Variants in CASKIN2 observed in about 807,000 individuals in gnomAD.
CASKIN2 encodes caskin-2.
A neutral mutation model predicts 107.1 loss-of-function variants in CASKIN2; 41 were observed. The observed-to-expected ratio is 0.38, with a 90% confidence interval of 0.30 to 0.50. CASKIN2 has a LOEUF of 0.50. Ranked by LOEUF, CASKIN2 falls within the 20% of genes least tolerant of loss-of-function variation. The pLI is 0.92. For missense variants in CASKIN2, 1,546 were observed against 1,657.4 expected, an observed-to-expected ratio of 0.93 and a Z score of 1.17; for synonymous variants, 724 against 705.6, an observed-to-expected ratio of 1.03 and a Z score of -0.41.
intron 16 of CASKIN2, 58 bp downstream of exon 16, chr17:75,503,601 A>C (rs2053228574): frequency 6.2e-7 from 1 of 1,605,332 alleles, no homozygotes; most frequent in Non-Finnish European, 8.5e-7. Context: ...GGCACCGCAA[A>C]GCCACAGCTG....
In CASKIN2 at chr17:75,502,287, C is replaced by T. The variant is rs372321261; in HGVS notation, c.2787G>A (p.Thr929=). Residue 929 remains threonine (T), a synonymous_variant, in exon 18 of 20, where the codon ACG becomes ACA. Transcript: ENST00000321617. This position sits in a 1 kb window ranked among gnomAD's most constrained non-coding sequence, Gnocchi z 4.3. Reference sequence around the variant, plus strand: ...CCTCAGGGCCTGGCTCCTCCTCCTCCGTGTCTGACGCGGGCCCAGCCGGGG... The same window carrying T: ...CCTCAGGGCCTGGCTCCTCCTCCTCTGTGTCTGACGCGGGCCCAGCCGGGG... ...PPAPAGPASD[T]EEEEPGPEGT... is the part of the protein sequence containing the mutation. 3.1e-5 allele frequency: 46 copies of T among 1,508,008 alleles called. No homozygotes were observed. The highest frequency in any genetic ancestry group is 1.4e-4 in the East Asian group (6 of 43,118). 93.4% of individuals were successfully genotyped at this position (1,508,008 alleles called of 1,614,324 possible).
chr17:75,506,631 G>C lies in CASKIN2; in HGVS notation c.569C>G (p.Thr190Ser). 1.2e-6 allele frequency: 2 copies of C among 1,613,066 alleles called. No individual in the cohort carries two copies. The highest frequency in any genetic ancestry group is 1.7e-6 in the Non-Finnish European group (2 of 1,179,914). ...CTTGGCAGCCAAGTGCAGGGGCGTG[G>C]TGTAGTTGGGGTCACACGGGTCTTT... ...EAKDPCDPNY[T>S]TPLHLAAKNG... The change falls in exon 7 of 20, where the codon ACC (threonine) becomes AGC (serine). Residue 190 changes from threonine (T) to serine (S), a missense_variant. Physicochemically the swap from Thr to Ser is moderately conservative, Grantham distance 58. Transcript: ENST00000321617. This position sits in a 1 kb window ranked among gnomAD's most constrained non-coding sequence, Gnocchi z 4.8.
At chr17:75,514,400 T>TG (rs577923890) in intron 1 of CASKIN2, among the ~76,000 whole-genome samples, 192 bp from the exon 2 acceptor site, 7 of 130,608 alleles carry the variant, frequency 5.4e-5, no homozygotes, top group Non-Finnish European at 9.9e-5. Flanking sequence ...GGAGTATTGG[T>TG]GGGGGGGAGG....
In CASKIN2 at chr17:75,505,750, C is replaced by T. The variant is rs2053258201; in HGVS notation, c.835+71G>A. 6.4e-7 allele frequency: 1 copy of T among 1,562,132 alleles called. No homozygotes were observed. The highest frequency in any genetic ancestry group is 8.8e-7 in the Non-Finnish European group (1 of 1,138,964). Reference sequence around the variant, plus strand: ...CAACCCTCCCCCAGGGACGTCCACTCCCCCTCCACATCCTGGTACCACTTG... The same window carrying T: ...CAACCCTCCCCCAGGGACGTCCACTTCCCCTCCACATCCTGGTACCACTTG... On this transcript the variant is annotated intron_variant, in intron 9 of 19. Coordinates refer to ENST00000321617, the MANE Select transcript of CASKIN2 (RefSeq NM_020753.5). This position sits in a 1 kb window ranked among gnomAD's most constrained non-coding sequence, Gnocchi z 5.1.
In CASKIN2 at chr17:75,503,967, G is replaced by A. The variant is rs200417618; in HGVS notation, c.1468-5C>T. 578 of 1,607,500 alleles carry A rather than the reference G, an allele frequency of 3.6e-4. 1 individual carries two copies. In the African/African-American group the frequency reaches 6.2e-3, roughly 17 times the overall value. On this transcript the variant is annotated splice_polypyrimidine_tract_variant and splice_region_variant and intron_variant, in intron 14 of 19. Transcript: ENST00000321617. ...GTTATGAATGGCCTGCGCGTCCTGC[G>A]GGGTGGGGGAAGGGGGCAGAATTAG...
Position 75,505,519 on chromosome 17 carries a change from T to C in CASKIN2, c.930+38A>G, listed in dbSNP as rs1406392620. The C allele has an allele frequency of 1.9e-6, 3 of 1,593,386 alleles. No homozygotes were observed. The highest frequency in any genetic ancestry group is 2.6e-6 in the Non-Finnish European group (3 of 1,162,032). Reference sequence around the variant, plus strand: ...TGCCCAAATAAGTAACAGCAATCATTTGTATTTGCAAAGGAATGCCTGCTT... The same window carrying C: ...TGCCCAAATAAGTAACAGCAATCATCTGTATTTGCAAAGGAATGCCTGCTT... On this transcript the variant is annotated intron_variant, in intron 10 of 19. Transcript: ENST00000321617. The surrounding 1 kb of genome is among the most constrained non-coding windows in gnomAD (Gnocchi z 5.1).
rs751650727 is a variant in CASKIN2 at position 75,503,231 on chromosome 17, C to A, written c.1843G>T (p.Gly615Trp). 9 of 1,594,340 alleles carry A rather than the reference C, an allele frequency of 5.6e-6. No individual in the cohort carries two copies. The highest frequency in any genetic ancestry group is 1.3e-5 in the African/African-American group (1 of 74,540). The change falls in exon 18 of 20, where the codon GGG becomes TGG. Residue 615 changes from glycine (G) to tryptophan (W), a missense_variant. This residue lies in a region of CASKIN2 where 1,311 missense variants were observed against 1,311.0 expected (regional missense o/e 1.00). Transcript: ENST00000321617. Reference protein sequence around the residue: ...KLGHQKKLMLGVKRLAELRRG... With the variant: ...KLGHQKKLMLWVKRLAELRRG... ...CGAAGCTCCGCCAGCCGCTTCACCC[C>A]CAGCATGAGCTTCTTCTGATGCCCT...
Position 75,501,533 on chromosome 17 carries a change from G to T in CASKIN2, c.3453C>A (p.Thr1151=). Residue 1151 remains threonine (T), a synonymous_variant, in exon 19 of 20, where the codon ACC becomes ACA. Transcript: ENST00000321617. The stretch of plus-strand genomic sequence containing the variant: ...TCAGTGCAGCTGCCAGGGACGAGCT[G>T]GTCTGCTCCAGTCTCTGCTGGGCCT... ...PGQAQQRLEQ[T]SSSLAAALRA... 1 of 1,612,578 alleles carries T rather than the reference G, an allele frequency of 6.2e-7. No homozygotes were observed. The highest frequency in any genetic ancestry group is 8.5e-7 in the Non-Finnish European group (1 of 1,179,666).
intron 4 of CASKIN2, 84 bp downstream of exon 4, chr17:75,507,500 T>C: frequency 9.9e-7 from 1 of 1,006,490 alleles, no homozygotes; most frequent in Non-Finnish European, 1.5e-6. Flanking sequence ...TGCTACGTTG[T>C]CATAGGAGCA....
Position 75,501,990 on chromosome 17 carries a change from G to T in CASKIN2, c.3084C>A (p.Gly1028=). Residue 1028 remains glycine (G), a synonymous_variant, in exon 18 of 20, where the codon GGC becomes GGA. Transcript: ENST00000321617. ...GAAGGCTAGAAGCTGGAGGAGACTC[G>T]CCAGGAGTTGGGGAAGGCAGTGGGG... The part of the protein sequence containing the change: ...PAAPLPSPTP[G]ESPPASSLPQ... The T allele has an allele frequency of 6.2e-7, 1 of 1,612,436 alleles. No homozygotes were observed. Among genetic ancestry groups the T allele is most frequent in the Non-Finnish European group, 8.5e-7 (1 of 1,179,516 alleles).
rs560231100 is a variant in CASKIN2, at chr17:75,510,145, C to T, written c.95-1860G>A. 5.9e-5 allele frequency among the ~76,000 whole-genome samples: 9 copies of T among 152,294 alleles called. 1 individual carries two copies. In the South Asian group the frequency reaches 1.2e-3, roughly 21 times the overall value. ...CCCGGGCAGAGGATGTGAGCTCAGC[C>T]GGCCGCCCCAGCACACCCCATTTCC... On this transcript the variant is annotated intron_variant, in intron 2 of 19. Coordinates refer to ENST00000321617, the MANE Select transcript of CASKIN2 (RefSeq NM_020753.5).
Position 75,513,844 on chromosome 17 carries a change from G to A in CASKIN2, c.-40C>T. ...TGAGCTCTACACTCAGGAGTCCAGG[G>A]CAAAGGCAGGCAACGGGTCCAAGCT... is the stretch of plus-strand genomic sequence containing the variant. On this transcript the variant is annotated 5_prime_UTR_variant, in exon 2 of 20. Transcript: ENST00000321617. The A allele has an allele frequency of 6.3e-7, 1 of 1,582,064 alleles. No individual in the cohort carries two copies. Among genetic ancestry groups the A allele is most frequent in the Non-Finnish European group, 8.7e-7 (1 of 1,154,200 alleles).
chr17:75,501,363 T>G, intron 19 of CASKIN2, 105 bp downstream of exon 19: 3 of 1,338,808 alleles, frequency 2.2e-6, no homozygotes, highest in Admixed American at 1.9e-5. Flanking sequence ...ATCCCGTTAG[T>G]GCCTGCAATG....
chr17:75,501,632 C>T lies in CASKIN2; in HGVS notation c.3354G>A (p.Lys1118=). 1 of 1,594,486 alleles carries T rather than the reference C, an allele frequency of 6.3e-7. No homozygotes were observed. Among genetic ancestry groups the T allele is most frequent in the East Asian group, 2.3e-5 (1 of 44,324 alleles). ...GGCGGGGGCCGAGCCGGGGCGCTAG[C>T]TTAGGGCCAGAAAATGCCAGCTGGG... ...ACTQLAFSGP[K]LAPRLGPRPV... is the part of the protein sequence containing the mutation. Residue 1118 remains lysine, a synonymous_variant, in exon 19 of 20, where the codon AAG becomes AAA. Coordinates refer to ENST00000321617, the MANE Select transcript of CASKIN2 (RefSeq NM_020753.5).
Position 75,503,064 on chromosome 17 carries a change from G to C in CASKIN2, c.2010C>G (p.Ser670Arg). The change falls in exon 18 of 20, where the codon AGC becomes AGG. Residue 670 changes from serine to arginine, a missense_variant. By Grantham distance (110) the Ser-to-Arg change is moderately radical. Around this residue, in one of 6 missense-constraint regions of CASKIN2, gnomAD observed 1,311 missense variants for 1,311.0 expected, o/e 1.00. Transcript: ENST00000321617. ...AGPRLLTFQGSELSPELQAAM... is the reference protein window; with the variant it reads ...AGPRLLTFQGRELSPELQAAM... ...CCGCCTGTAGCTCTGGGCTTAGTTC[G>C]CTGCCCTGGAAGGTGAGGAGCCGTG... The C allele has an allele frequency of 6.2e-7, 1 of 1,606,664 alleles. No homozygotes were observed. The highest frequency in any genetic ancestry group is 2.2e-5 in the East Asian group (1 of 44,750).
In CASKIN2 at chr17:75,502,489, C is replaced by T. The variant is rs1196964134; in HGVS notation, c.2585G>A (p.Arg862Gln). The change falls in exon 18 of 20, where the codon CGG becomes CAG. Residue 862 changes from arginine (R) to glutamine (Q), a missense_variant. Arg to Gln is a conservative substitution (Grantham distance 43, BLOSUM62 1). Around this residue, in one of 6 missense-constraint regions of CASKIN2, gnomAD observed 1,311 missense variants for 1,311.0 expected, o/e 1.00. Coordinates refer to ENST00000321617, the MANE Select transcript of CASKIN2 (RefSeq NM_020753.5). The surrounding 1 kb of genome is among the most constrained non-coding windows in gnomAD (Gnocchi z 4.3). ...GGGCGGGGGGCCTTTGCGCCGGGCC[C>T]GCAGGGCAAAGGACTGGCTGCGAGG... The part of the protein sequence containing the change: ...GTPRSQSFAL[R>Q]ARRKGPPPPP... The T allele has an allele frequency of 1.7e-5, 25 of 1,454,572 alleles. No individual in the cohort carries two copies. The highest frequency in any genetic ancestry group is 5.0e-5 in the East Asian group (2 of 40,172). 90.1% of individuals were successfully genotyped at this position (1,454,572 alleles called of 1,614,324 possible). A position where few individuals can be genotyped will look rare whatever the true frequency, so the allele number is the denominator to read the frequency against.
chr17:75,513,606 C>T, intron 2 of CASKIN2, 105 bp downstream of exon 2: 2 of 934,552 alleles, frequency 2.1e-6, no homozygotes, highest in Non-Finnish European at 3.4e-6. Context: ...CAAGACAGTC[C>T]ACCCTCCTCA....
rs550957027 is a variant in CASKIN2, at chr17:75,504,688, C to G, written c.1198G>C (p.Asp400His). 4 of 1,594,502 alleles carry G rather than the reference C, an allele frequency of 2.5e-6. No homozygotes were observed. The South Asian group carries it at 3.4e-5, about 13-fold the overall frequency. Reference protein sequence around the residue: ...VGLSPDSPAGDRNSVGSEGSV... With the variant: ...VGLSPDSPAGHRNSVGSEGSV... Reference sequence around the variant, plus strand: ...CCCTCACTGCCCACACTATTCCTGTCACCTGCTGTGGGGGGCAGAAGCCAA... The same window carrying G: ...CCCTCACTGCCCACACTATTCCTGTGACCTGCTGTGGGGGGCAGAAGCCAA... Residue 400 changes from aspartate (D) to histidine (H), a missense_variant, in exon 12 of 20, where the codon GAC (aspartate) becomes CAC (histidine). Asp to His is a moderately conservative substitution (Grantham distance 81, BLOSUM62 -1). Around this residue, in one of 6 missense-constraint regions of CASKIN2, gnomAD observed 1,311 missense variants for 1,311.0 expected, o/e 1.00. Coordinates refer to ENST00000321617, the MANE Select transcript of CASKIN2 (RefSeq NM_020753.5).
intron 2 of CASKIN2, chr17:75,509,700 G>A (rs750336849): frequency 2.0e-6 from 2 of 984,936 alleles, no homozygotes; most frequent in Non-Finnish European, 2.4e-6. Flanking sequence ...CACTCTGGCT[G>A]TGTGACCCTG....
Sources: gnomAD v4.1 joint callset for allele counts (sites outside exome capture counted in the v4.1 genomes callset) on GRCh38, gnomAD v4.1.1 for gene constraint, gnomAD v4.1.1 regional missense constraint, Gnocchi (gnomAD v3.1) non-coding constraint, MANE v1.5 for transcripts, NCBI Gene and HGNC (gene_info 2026-07-23, HGNC 2026-07-21) for gene names.